RBM18: variants seen among roughly 807,000 people sequenced by gnomAD.
The protein encoded by RBM18 is probable RNA-binding protein 18.
RBM18 carries 18 observed loss-of-function variants against 26.4 expected under a neutral mutation model. The observed-to-expected ratio is 0.68, with a 90% confidence interval of 0.47 to 1.01. The LOEUF (loss-of-function observed/expected upper bound fraction) is 1.01, where lower values mean the gene tolerates loss of function less well. Among genes scored for constraint, RBM18 ranks in the 50% least tolerant of loss-of-function variants. The pLI is 0.00. For synonymous variants in RBM18, 74 were observed against 81.1 expected, an observed-to-expected ratio of 0.91 and a Z score of 0.47; for missense variants, 180 against 219.2, an observed-to-expected ratio of 0.82 and a Z score of 1.13.
In RBM18 at chr9:122,238,504, G is replaced by A. The variant is rs1031503818; in HGVS notation, c.*3380C>T. On this transcript the variant is annotated 3_prime_UTR_variant, in exon 6 of 6. Coordinates refer to ENST00000417201, the MANE Select transcript of RBM18 (RefSeq NM_033117.4). The stretch of plus-strand genomic sequence containing the variant: ...AGAGAGCGGGCTCTGCGGCTATCTG[G>A]AGAAAGAGCGTTCTAAGCTAAGGCA... 1.3e-5 allele frequency: 2 copies of A among 152,182 alleles called. No homozygotes were observed. The highest frequency in any genetic ancestry group is 1.3e-4 in the Admixed American group (2 of 15,272). 9.4% of individuals were successfully genotyped at this position (152,182 alleles called of 1,614,324 possible).
At chr9:122,244,373 G>C (rs1831471306) in intron 5 of RBM18, among the ~76,000 whole-genome samples, 1 of 152,136 alleles carries the variant, frequency 6.6e-6, no homozygotes, top group African/African-American at 2.4e-5. Flanking sequence ...GTTGGTTTCT[G>C]ATCCTTATGT....
chr9:122,243,366 C>G (rs576661071), intron 5 of RBM18, among the ~76,000 whole-genome samples: 1 of 152,262 alleles, frequency 6.6e-6, no homozygotes, highest in South Asian at 2.1e-4. Context: ...GTGATATGAT[C>G]AAGGTTCACA....
chr9:122,258,924 AAAG>A (rs1554814884), intron 2 of RBM18, among the ~76,000 whole-genome samples: 4 of 151,114 alleles, frequency 2.6e-5, no homozygotes, highest in African/African-American at 7.3e-5. Flanking sequence ...AAAAAAAAAA[AAAG>A]AAGAAGAAGA....
At chr9:122,245,882 C>T (rs535252061) in intron 4 of RBM18, among the ~76,000 whole-genome samples, 14 of 151,934 alleles carry the variant, frequency 9.2e-5, no homozygotes, top group South Asian at 2.1e-4. Context: ...GTCCCAACTA[C>T]TTAGGAGGCT....
chr9:122,241,305 A>G lies in RBM18; in HGVS notation c.*579T>C, dbSNP rs886286838. ...TAGTTGGGATTTTGAAACAATAAGC[A>G]TAATTCTTAAACAGATTACTACAAC... On this transcript the variant is annotated 3_prime_UTR_variant, in exon 6 of 6. Transcript: ENST00000417201. The G allele has an allele frequency of 6.6e-6, 1 of 152,304 alleles. No homozygotes were observed. The highest frequency in any genetic ancestry group is 1.5e-5 in the Non-Finnish European group (1 of 68,052). 9.4% of individuals were successfully genotyped at this position (152,304 alleles called of 1,614,324 possible).
chr9:122,249,097 G>C (rs1314112807), intron 3 of RBM18, among the ~76,000 whole-genome samples: 2 of 121,558 alleles, frequency 1.6e-5, no homozygotes, highest in Non-Finnish European at 3.4e-5. Flanking sequence ...GCTGCCAGCA[G>C]GGGCATCTTA....
intron 2 of RBM18, 110 bp from the exon 3 acceptor site, chr9:122,252,083 G>A (rs957021484): frequency 4.7e-5 from 67 of 1,412,872 alleles, no homozygotes; most frequent in South Asian, 3.2e-4. Flanking sequence ...GAAATCTCTC[G>A]CCCCAGCCCC....
intron 5 of RBM18, among the ~76,000 whole-genome samples, chr9:122,243,331 A>C (rs1205942516): frequency 6.6e-6 from 1 of 152,196 alleles, no homozygotes; most frequent in African/African-American, 2.4e-5. Context: ...CATGTTTTAT[A>C]GATACAGAAA....
chr9:122,242,649 A>G (rs1831439810), intron 5 of RBM18, among the ~76,000 whole-genome samples: 1 of 147,412 alleles, frequency 6.8e-6, no homozygotes, highest in Non-Finnish European at 1.5e-5. Flanking sequence ...GGCACAGTGC[A>G]TTTTACTTAT....
chr9:122,263,075 A>G (rs1191090895), intron 1 of RBM18, among the ~76,000 whole-genome samples: 1 of 152,186 alleles, frequency 6.6e-6, no homozygotes. Context: ...TAGAGAACAC[A>G]TATCCTATAC....
At position 122,239,225 on chromosome 9, in the gene RBM18, T is replaced by C. The variant is rs1427297455; in HGVS notation, c.*2659A>G. The C allele has an allele frequency of 4.7e-5, 2 of 42,920 alleles. No homozygotes were observed. Among genetic ancestry groups the C allele is most frequent in the Non-Finnish European group, 6.3e-5 (1 of 15,814 alleles). 2.7% of individuals were successfully genotyped at this position (42,920 alleles called of 1,614,324 possible). ...TGATTTTTGACCTGTTTTGTTTTTGTTTTTTTTGAGACGGTGTCTCACTCT... is the reference window on the plus strand; with the variant it reads ...TGATTTTTGACCTGTTTTGTTTTTGCTTTTTTTGAGACGGTGTCTCACTCT... On this transcript the variant is annotated 3_prime_UTR_variant, in exon 6 of 6. Coordinates refer to ENST00000417201, the MANE Select transcript of RBM18 (RefSeq NM_033117.4).
chr9:122,259,522 C>T (rs1831752318), intron 2 of RBM18, among the ~76,000 whole-genome samples: 1 of 152,178 alleles, frequency 6.6e-6, no homozygotes, highest in African/African-American at 2.4e-5. Context: ...GTGGGCAACA[C>T]ATCTTAAATA....
intron 1 of RBM18, among the ~76,000 whole-genome samples, chr9:122,264,095 G>C (rs71509594): frequency 0.015 from 2,259 of 152,214 alleles, 44 homozygotes; most frequent in Non-Finnish European, 0.023. Context: ...TCTTGATCAC[G>C]GTTCTATTTC....
chr9:122,245,257 T>G lies in RBM18; in HGVS notation c.412A>C (p.Ser138Arg). Residue 138 changes from serine (S) to arginine (R), a missense_variant and splice_region_variant, in exon 5 of 6, where the codon AGT becomes CGT. Transcript: ENST00000417201. Reference protein sequence around the residue: ...SSTEPTQSNLSVTAKIKAIEA... With the variant: ...SSTEPTQSNLRVTAKIKAIEA... Reference sequence around the variant, plus strand: ...TCTTTCTATAGTACATCATCTTACCTTAGGTTAGACTGAGTAGGCTCAGTG... The same window carrying G: ...TCTTTCTATAGTACATCATCTTACCGTAGGTTAGACTGAGTAGGCTCAGTG... The G allele has an allele frequency of 6.4e-7, 1 of 1,573,856 alleles. No individual in the cohort carries two copies. Among genetic ancestry groups the G allele is most frequent in the Non-Finnish European group, 8.7e-7 (1 of 1,144,014 alleles).
chr9:122,247,491 G>A, intron 4 of RBM18, 27 bp downstream of exon 4: 2 of 1,594,170 alleles, frequency 1.3e-6, no homozygotes, highest in Non-Finnish European at 1.7e-6. Flanking sequence ...GATGAGGCTT[G>A]ATGTCTTTCT....
At chr9:122,246,689 A>G (rs1016035759) in intron 4 of RBM18, among the ~76,000 whole-genome samples, 1 of 151,964 alleles carries the variant, frequency 6.6e-6, no homozygotes, top group Non-Finnish European at 1.5e-5. Context: ...AGTCTCTGTG[A>G]CTCTTTACTG....
In RBM18 at chr9:122,240,840, T is replaced by C. The variant is rs1347661544; in HGVS notation, c.*1044A>G. ...CCACACAGAGTCATTACAGTCTTGG[T>C]GCCACAGTGGCATCTGTTCCATTGA... is the stretch of plus-strand genomic sequence containing the variant. On this transcript the variant is annotated 3_prime_UTR_variant, in exon 6 of 6. Transcript: ENST00000417201. The C allele has an allele frequency of 1.3e-5, 2 of 152,226 alleles. No individual in the cohort carries two copies. Among genetic ancestry groups the C allele is most frequent in the African/African-American group, 4.8e-5 (2 of 41,474 alleles). 9.4% of individuals were successfully genotyped at this position (152,226 alleles called of 1,614,324 possible). A position where few individuals can be genotyped will look rare whatever the true frequency, so the allele number is the denominator to read the frequency against.
At position 122,239,233 on chromosome 9, in the gene RBM18, G is replaced by A. The variant is rs80220893; in HGVS notation, c.*2651C>T. On this transcript the variant is annotated 3_prime_UTR_variant, in exon 6 of 6. Coordinates refer to ENST00000417201, the MANE Select transcript of RBM18 (RefSeq NM_033117.4). ...GACCTGTTTTGTTTTTGTTTTTTTT[G>A]AGACGGTGTCTCACTCTGTTGCCCA... The A allele has an allele frequency of 7.7e-6, 1 of 130,250 alleles. No homozygotes were observed. The highest frequency in any genetic ancestry group is 1.7e-5 in the Non-Finnish European group (1 of 58,646). The allele number at this position is 130,250 out of a possible 1,614,324, so 8.1% of individuals were successfully genotyped here.
At position 122,241,000 on chromosome 9, in the gene RBM18, G is replaced by T. The variant is rs771650102; in HGVS notation, c.*884C>A. On this transcript the variant is annotated 3_prime_UTR_variant, in exon 6 of 6. Coordinates refer to ENST00000417201, the MANE Select transcript of RBM18 (RefSeq NM_033117.4). ...ATATAGCAATGTTTAGGTTTTCAAA[G>T]AAATTTTGCTTTTTCTATTTAGACT... is the stretch of plus-strand genomic sequence containing the variant. 6.6e-6 allele frequency: 1 copy of T among 152,138 alleles called. No individual in the cohort carries two copies. The highest frequency in any genetic ancestry group is 1.5e-5 in the Non-Finnish European group (1 of 68,028). 9.4% of individuals were successfully genotyped at this position (152,138 alleles called of 1,614,324 possible).
Sources: gnomAD v4.1 joint callset for allele counts (sites outside exome capture counted in the v4.1 genomes callset) on GRCh38, gnomAD v4.1.1 for gene constraint, MANE v1.5 for transcripts, NCBI Gene and HGNC (gene_info 2026-07-23, HGNC 2026-07-21) for gene names.